TNPO3: variants seen among roughly 807,000 people sequenced by gnomAD.
TNPO3 encodes transportin-3.
Under a neutral mutation model 122.8 loss-of-function variants are expected in TNPO3, and 65 were observed. The observed-to-expected ratio is 0.53, with a 90% CI of 0.43 to 0.65. TNPO3 has a LOEUF of 0.65. Ranked by LOEUF, TNPO3 falls within the 30% of genes least tolerant of loss-of-function variation. TNPO3 has a pLI of 0.00. For missense variants in TNPO3, 850 were observed against 1,136.7 expected (o/e 0.75, Z 3.63); for synonymous variants, 372 against 411.2 (o/e 0.90, Z 1.15).
chr7:129,050,154 T>C (rs759503648), intron 1 of TNPO3, among the ~76,000 whole-genome samples: 1 of 151,594 alleles, frequency 6.6e-6, no homozygotes, highest in Non-Finnish European at 1.5e-5. Flanking sequence ...GAGGCCAAGG[T>C]GGGCAGATCA....
chr7:129,024,062 G>A (rs189220953), intron 1 of TNPO3, among the ~76,000 whole-genome samples: 8 of 152,256 alleles, frequency 5.3e-5, no homozygotes, highest in Admixed American at 4.6e-4. Context: ...AATCTGCACC[G>A]GCCTTGATAC....
At position 129,006,076 on chromosome 7, in the gene TNPO3, C is replaced by T. The variant is rs183570510; in HGVS notation, c.553-917G>A. On this transcript the variant is annotated intron_variant, in intron 4 of 22. Transcript: ENST00000265388. ...GGGATTACAGGCATGAGCCACTGAG[C>T]CCAGCCTCAAGTATTTCTTTATAGC... Among the ~76,000 whole-genome samples the T allele has an allele frequency of 3.9e-5, 6 of 152,300 alleles. No homozygotes were observed. The East Asian group carries it at 1.2e-3, about 29-fold the overall frequency.
intron 8 of TNPO3, 129 bp from the exon 9 acceptor site, chr7:128,994,043 G>A (rs1278665834): frequency 1.3e-5 from 10 of 747,558 alleles, no homozygotes; most frequent in South Asian, 3.9e-5. Flanking sequence ...CCTAAATCAC[G>A]AGGGTATTTT....
chr7:129,007,581 T>C (rs948007189), intron 4 of TNPO3, among the ~76,000 whole-genome samples: 2 of 152,260 alleles, frequency 1.3e-5, no homozygotes, highest in South Asian at 4.1e-4. Context: ...GTTTTAAGCA[T>C]GTCAGCTTGA....
intron 1 of TNPO3, among the ~76,000 whole-genome samples, chr7:129,026,446 A>C (rs1208789495): frequency 7.5e-6 from 1 of 133,158 alleles, no homozygotes; most frequent in East Asian, 2.2e-4. Flanking sequence ...CTTGTTGGCC[A>C]AGCTGGAGTA....
intron 12 of TNPO3, among the ~76,000 whole-genome samples, chr7:128,985,235 G>A (rs12669885): frequency 0.044 from 6,766 of 152,176 alleles, 206 homozygotes; most frequent in Middle Eastern, 0.1. Flanking sequence ...TTAAAACTAG[G>A]AGGGAAAAGC....
At chr7:129,042,241 T>G (rs975817152) in intron 1 of TNPO3, among the ~76,000 whole-genome samples, 3 of 152,196 alleles carry the variant, frequency 2.0e-5, no homozygotes, top group Admixed American at 2.0e-4. Flanking sequence ...GTAACATAAG[T>G]GTCAGGTTGC....
intron 10 of TNPO3, among the ~76,000 whole-genome samples, chr7:128,991,522 A>G (rs1011035277): frequency 2.6e-5 from 4 of 152,254 alleles, no homozygotes; most frequent in African/African-American, 9.6e-5. Context: ...GCAATAACAA[A>G]AACAGTAATT....
intron 1 of TNPO3, among the ~76,000 whole-genome samples, chr7:129,027,558 C>CAAAAAAAAAAAAAAAAAAAAAAAAAAAAA (rs71162549): frequency 1.1e-4 from 1 of 8,972 alleles, no homozygotes; most frequent in Non-Finnish European, 1.8e-4. Flanking sequence ...AAGACTGTCT[C>CAAAAAAAAAAAAAAAAAAAAAAAAAAAAA]AAAAAAAAAA....
chr7:129,040,406 T>C (rs1807229239), intron 1 of TNPO3, among the ~76,000 whole-genome samples: 1 of 152,020 alleles, frequency 6.6e-6, no homozygotes, highest in African/African-American at 2.4e-5. Flanking sequence ...GCAAAACAAA[T>C]CTGTGGTGAT....
intron 1 of TNPO3, among the ~76,000 whole-genome samples, chr7:129,031,084 A>G (rs1164698323): frequency 6.6e-6 from 1 of 152,252 alleles, no homozygotes; most frequent in African/African-American, 2.4e-5. Flanking sequence ...CAGGAGTTCA[A>G]GACCAGCCTG....
At chr7:129,024,413 C>T (rs1033467367) in intron 1 of TNPO3, among the ~76,000 whole-genome samples, 6 of 152,120 alleles carry the variant, frequency 3.9e-5, no homozygotes, top group African/African-American at 1.4e-4. Flanking sequence ...GATTTGAGCC[C>T]GCTCAAATTC....
intron 21 of TNPO3, among the ~76,000 whole-genome samples, chr7:128,962,917 AC>A (rs1371197250): frequency 6.6e-6 from 1 of 152,078 alleles, no homozygotes; most frequent in Non-Finnish European, 1.5e-5. Flanking sequence ...TTTCAGACTT[AC>A]CATATTATTT....
chr7:129,049,063 A>G (rs1223789474), intron 1 of TNPO3, among the ~76,000 whole-genome samples: 3 of 152,246 alleles, frequency 2.0e-5, no homozygotes, highest in Non-Finnish European at 4.4e-5. Context: ...GAAGCAGGTA[A>G]GCCTTGAAGG....
chr7:128,960,624 T>C (rs1233374395), intron 21 of TNPO3, among the ~76,000 whole-genome samples: 2 of 151,330 alleles, frequency 1.3e-5, no homozygotes, highest in Admixed American at 1.3e-4. Context: ...TATAAAGATA[T>C]AAAGAAAAAA....
intron 1 of TNPO3, among the ~76,000 whole-genome samples, chr7:129,051,331 G>A (rs1356880745): frequency 6.7e-6 from 1 of 150,342 alleles, no homozygotes; most frequent in African/African-American, 2.4e-5. Context: ...CAGAATGTCT[G>A]AATCAGTGAT....
intron 1 of TNPO3, among the ~76,000 whole-genome samples, chr7:129,052,956 G>A (rs1313685679): frequency 2.6e-5 from 4 of 152,178 alleles, no homozygotes; most frequent in Non-Finnish European, 5.9e-5. Flanking sequence ...ATTTTCTTGT[G>A]TAGCCTACAG....
At chr7:128,958,249 T>C (rs890615092) in intron 21 of TNPO3, among the ~76,000 whole-genome samples, 2 of 148,662 alleles carry the variant, frequency 1.3e-5, no homozygotes, top group African/African-American at 4.9e-5. Flanking sequence ...GTTCAAGCGA[T>C]TCTCCTGCCT....
intron 12 of TNPO3, among the ~76,000 whole-genome samples, chr7:128,985,397 C>T (rs1800039375): frequency 6.6e-6 from 1 of 152,156 alleles, no homozygotes; most frequent in African/African-American, 2.4e-5. Context: ...GAGTTCAAGA[C>T]CAGCCTGGGC....
Sources: allele counts gnomAD v4.1 joint callset (sites outside exome capture counted in the v4.1 genomes callset), GRCh38; gene constraint gnomAD v4.1.1; transcripts MANE v1.5; gene names NCBI Gene and HGNC (gene_info 2026-07-23, HGNC 2026-07-21).